The following PTPRM variants were observed in gnomAD, a reference collection of about 807,000 sequenced individuals.
PTPRM encodes protein tyrosine phosphatase receptor type M, also known as receptor-type tyrosine-protein phosphatase mu.
A neutral mutation model predicts 186.7 loss-of-function variants in PTPRM; 47 were observed. That is an observed-to-expected ratio of 0.25 (90% CI 0.20 to 0.32). PTPRM has a LOEUF of 0.32. Ranked by LOEUF, PTPRM falls within the 10% of genes least tolerant of loss-of-function variation. PTPRM has a pLI of 1.00. For synonymous variants in PTPRM, 668 were observed against 674.9 expected (o/e 0.99, Z 0.16); for missense variants, 1,494 against 1,865.0 (o/e 0.80, Z 3.66).
intron 14 of PTPRM, among the ~76,000 whole-genome samples, chr18:8,210,300 G>T (rs913251493): frequency 2.6e-5 from 4 of 152,126 alleles, no homozygotes; most frequent in Admixed American, 2.0e-4. Flanking sequence ...GACAGAGAGA[G>T]ACTCTGCCTC....
chr18:8,191,858 A>G (rs1242673115), intron 14 of PTPRM, among the ~76,000 whole-genome samples: 1 of 152,184 alleles, frequency 6.6e-6, no homozygotes, highest in African/African-American at 2.4e-5. Context: ...TTGTATATAG[A>G]TGGAAGCAGA....
At chr18:7,856,587 AAAG>A (rs2047106747) in intron 2 of PTPRM, among the ~76,000 whole-genome samples, 1 of 151,942 alleles carries the variant, frequency 6.6e-6, no homozygotes, top group Non-Finnish European at 1.5e-5. Flanking sequence ...GAAAAAAAAA[AAAG>A]AAAACTACCT....
rs562713413 is a variant in PTPRM at position 8,388,871 on chromosome 18, G to T, written c.4208+1636G>T. 4.2e-4 allele frequency among the ~76,000 whole-genome samples: 64 copies of T among 152,278 alleles called. 1 individual carries two copies. The South Asian group carries it at 0.013, about 31-fold the overall frequency. ...AGCTACTCGGGAGACTGAGGCAGGA[G>T]AATGGCGTGAACCCGGGAGGCGGAG... On this transcript the variant is annotated intron_variant, in intron 31 of 32. Coordinates refer to ENST00000580170, the MANE Select transcript of PTPRM (RefSeq NM_001105244.2).
chr18:7,934,391 T>C (rs2051674124), intron 5 of PTPRM, among the ~76,000 whole-genome samples: 1 of 152,210 alleles, frequency 6.6e-6, no homozygotes, highest in Non-Finnish European at 1.5e-5. Flanking sequence ...AAAAAGTATG[T>C]TTCTCCAGTC....
chr18:7,851,790 A>G (rs186472651), intron 2 of PTPRM, among the ~76,000 whole-genome samples: 3 of 152,312 alleles, frequency 2.0e-5, no homozygotes, highest in Non-Finnish European at 2.9e-5. Context: ...TGCTGGAGGT[A>G]AATCTGAATA....
At chr18:7,721,950 A>G (rs2040453734) in intron 1 of PTPRM, among the ~76,000 whole-genome samples, 1 of 151,708 alleles carries the variant, frequency 6.6e-6, no homozygotes, top group Admixed American at 6.7e-5. Flanking sequence ...AAAATCTTGA[A>G]TTTGTGTAGT....
intron 2 of PTPRM, among the ~76,000 whole-genome samples, chr18:7,832,203 C>G (rs1375946547): frequency 2.0e-5 from 3 of 152,192 alleles, no homozygotes; most frequent in Non-Finnish European, 4.4e-5. Context: ...AACCTTCAAA[C>G]TGTTCTCCGA....
At chr18:8,192,874 A>G (rs2093727027) in intron 14 of PTPRM, among the ~76,000 whole-genome samples, 1 of 152,224 alleles carries the variant, frequency 6.6e-6, no homozygotes, top group South Asian at 2.1e-4. Flanking sequence ...GAGCCTTAAC[A>G]ACAAATAGAA....
intron 11 of PTPRM, among the ~76,000 whole-genome samples, chr18:8,093,236 C>T (rs1230345307): frequency 6.6e-6 from 1 of 152,056 alleles, no homozygotes; most frequent in Non-Finnish European, 1.5e-5. Flanking sequence ...CTATTCTCTT[C>T]TCCACGCTAG....
In PTPRM at chr18:8,314,772, C is replaced by G. The variant is rs200961703; in HGVS notation, c.2843-9C>G. ...TTAATCGTTATTTTCTGTCCCTTTT[C>G]CTTTGCAGACGATCATTCCCGAGTG... is the stretch of plus-strand genomic sequence containing the variant. On this transcript the variant is annotated splice_polypyrimidine_tract_variant and intron_variant, in intron 20 of 32. Coordinates refer to ENST00000580170, the MANE Select transcript of PTPRM (RefSeq NM_001105244.2). 1.9e-6 allele frequency: 3 copies of G among 1,609,332 alleles called. No individual in the cohort carries two copies. In the East Asian group the frequency reaches 6.7e-5, roughly 36 times the overall value.
At chr18:8,250,018 G>GAT (rs1161720155) in intron 17 of PTPRM, among the ~76,000 whole-genome samples, 1 of 152,106 alleles carries the variant, frequency 6.6e-6, no homozygotes, top group Non-Finnish European at 1.5e-5. Context: ...AAGAATTTAA[G>GAT]ATATATATAT....
intron 14 of PTPRM, among the ~76,000 whole-genome samples, chr18:8,216,250 C>T (rs1400597577): frequency 6.6e-6 from 1 of 151,938 alleles, no homozygotes; most frequent in Non-Finnish European, 1.5e-5. Context: ...TATGCATATC[C>T]TCTGTATCTG....
intron 5 of PTPRM, among the ~76,000 whole-genome samples, chr18:7,948,727 A>G (rs780884656): frequency 2.0e-5 from 3 of 152,208 alleles, no homozygotes; most frequent in Non-Finnish European, 4.4e-5. Context: ...AACCTAACTT[A>G]TAGTTGAATG....
At chr18:8,173,299 T>C (rs991098212) in intron 14 of PTPRM, among the ~76,000 whole-genome samples, 8 of 152,214 alleles carry the variant, frequency 5.3e-5, no homozygotes, top group Non-Finnish European at 1.0e-4. Context: ...ATAATGGTAA[T>C]GATATATATG....
intron 2 of PTPRM, among the ~76,000 whole-genome samples, chr18:7,803,031 G>T (rs1277280933): frequency 6.6e-6 from 1 of 152,178 alleles, no homozygotes. Flanking sequence ...GCTTCAGAAA[G>T]GGGGTAGTAT....
intron 7 of PTPRM, among the ~76,000 whole-genome samples, chr18:7,972,474 AAC>A: frequency 1.3e-5 from 1 of 78,632 alleles, no homozygotes; most frequent in African/African-American, 4.1e-5. Flanking sequence ...AAAAAAAAAA[AAC>A]ATTAAAAAAA....
intron 22 of PTPRM, among the ~76,000 whole-genome samples, chr18:8,333,319 T>G (rs147337974): frequency 3.1e-4 from 47 of 152,320 alleles, no homozygotes; most frequent in African/African-American, 1.1e-3. Context: ...ATGTTAAGGA[T>G]TATTAATGCT....
chr18:7,996,400 A>T (rs1037531635), intron 7 of PTPRM, among the ~76,000 whole-genome samples: 8 of 152,142 alleles, frequency 5.3e-5, no homozygotes, highest in Middle Eastern at 3.2e-3. Flanking sequence ...ATACCTCAGA[A>T]TTTTAAAGGC....
At chr18:8,088,939 C>A in intron 11 of PTPRM, 88 bp downstream of exon 11, 1 of 1,010,524 alleles carries the variant, frequency 9.9e-7, no homozygotes, top group Non-Finnish European at 1.5e-6. Flanking sequence ...TAGGGATTTG[C>A]TGCAAATCTC....
Sources: gnomAD v4.1 joint callset for allele counts (sites outside exome capture counted in the v4.1 genomes callset) on GRCh38, gnomAD v4.1.1 for gene constraint, MANE v1.5 for transcripts, NCBI Gene and HGNC (gene_info 2026-07-23, HGNC 2026-07-21) for gene names.